TRPS1: variants seen among roughly 807,000 people sequenced by gnomAD.
TRPS1 encodes the protein transcriptional repressor GATA binding 1.
TRPS1 carries 6 observed loss-of-function variants against 101.2 expected under a neutral mutation model. That is an observed-to-expected ratio of 0.06 (90% confidence interval 0.03 to 0.12). The LOEUF is 0.12. Among genes scored for constraint, TRPS1 ranks in the 10% least tolerant of loss-of-function variants. The pLI is 1.00. For synonymous variants in TRPS1, 578 were observed against 589.8 expected, an observed-to-expected ratio of 0.98 and a Z score of 0.29; for missense variants, 1,363 against 1,567.0, an observed-to-expected ratio of 0.87 and a Z score of 2.20.
chr8:115,568,807 G>C (rs1308602384), intron 5 of TRPS1, among the ~76,000 whole-genome samples: 1 of 152,016 alleles, frequency 6.6e-6, no homozygotes, highest in East Asian at 1.9e-4. Context: ...AAAATACTCT[G>C]TAAGACTGCC....
At chr8:115,419,047 T>C (rs1224830923) in intron 5 of TRPS1, among the ~76,000 whole-genome samples, 5 of 152,158 alleles carry the variant, frequency 3.3e-5, no homozygotes, top group Non-Finnish European at 5.9e-5. Context: ...CTTCAGCCAA[T>C]TAAAAGTACA....
intron 3 of TRPS1, among the ~76,000 whole-genome samples, chr8:115,608,583 C>T (rs1235526758): frequency 6.6e-6 from 1 of 151,854 alleles, no homozygotes; most frequent in Non-Finnish European, 1.5e-5. Context: ...GAACCTTAGT[C>T]TCCTGGCCTC....
intron 1 of TRPS1, among the ~76,000 whole-genome samples, chr8:115,631,742 G>A (rs1818650746): frequency 6.6e-6 from 1 of 151,958 alleles, no homozygotes; most frequent in African/African-American, 2.4e-5. Flanking sequence ...TGAATCTCTT[G>A]ATATTAAATA....
At chr8:115,599,273 G>A (rs1466759079) in intron 4 of TRPS1, among the ~76,000 whole-genome samples, 1 of 151,942 alleles carries the variant, frequency 6.6e-6, no homozygotes, top group Non-Finnish European at 1.5e-5. Flanking sequence ...AGTTTCGAGA[G>A]TTATATTTCT....
At chr8:115,649,091 CT>C (rs1409592776) in intron 1 of TRPS1, among the ~76,000 whole-genome samples, 4 of 152,110 alleles carry the variant, frequency 2.6e-5, no homozygotes, top group African/African-American at 9.7e-5. Context: ...TAATAGAGTT[CT>C]TTTTATAACA....
At position 115,604,088 on chromosome 8, in the gene TRPS1, A is replaced by C; in HGVS notation, c.1881T>G (p.His627Gln). ...TGGTGAATGAACACTGATGGCACTGATGTTTGACTCGCGAGCTTCCAGCCG... is the reference window on the plus strand; with the variant it reads ...TGGTGAATGAACACTGATGGCACTGCTGTTTGACTCGCGAGCTTCCAGCCG... ...PGAAGSSRVKHQCHQCSFTTP... is the reference protein window; with the variant it reads ...PGAAGSSRVKQQCHQCSFTTP... Residue 627 changes from histidine to glutamine, a missense_variant, in exon 4 of 7, where the codon CAT becomes CAG. Physicochemically the swap from His to Gln is conservative, Grantham distance 24. Around this residue, in one of 5 missense-constraint regions of TRPS1, gnomAD observed 1,020 missense variants for 1,073.0 expected, o/e 0.95. Transcript: ENST00000395715. The surrounding 1 kb of genome is among the most constrained non-coding windows in gnomAD (Gnocchi z 4.1). 3.1e-6 allele frequency: 5 copies of C among 1,614,064 alleles called. No homozygotes were observed. The highest frequency in any genetic ancestry group is 4.2e-6 in the Non-Finnish European group (5 of 1,179,974).
intron 5 of TRPS1, among the ~76,000 whole-genome samples, chr8:115,491,730 C>A (rs577009277): frequency 1.6e-4 from 25 of 152,138 alleles, no homozygotes; most frequent in African/African-American, 5.8e-4. Context: ...AGCAAGCAAG[C>A]CTGATACTGC....
At chr8:115,489,719 C>T (rs531164849) in intron 5 of TRPS1, among the ~76,000 whole-genome samples, 1 of 152,040 alleles carries the variant, frequency 6.6e-6, no homozygotes, top group African/African-American at 2.4e-5. Flanking sequence ...CTTTATTGGT[C>T]CCTATTAGCA....
At chr8:115,575,320 C>T (rs533851853) in intron 5 of TRPS1, among the ~76,000 whole-genome samples, 108 of 151,982 alleles carry the variant, frequency 7.1e-4, no homozygotes, top group African/African-American at 2.3e-3. Context: ...TATAAAACAG[C>T]GTGTAATTTA....
intron 3 of TRPS1, among the ~76,000 whole-genome samples, chr8:115,615,742 C>CA (rs1241573058): frequency 6.6e-6 from 1 of 152,040 alleles, no homozygotes; most frequent in Non-Finnish European, 1.5e-5. Flanking sequence ...GCCTGGGTGA[C>CA]AGAGTGAGAT....
chr8:115,519,629 G>A (rs1815808884), intron 5 of TRPS1, among the ~76,000 whole-genome samples: 1 of 151,442 alleles, frequency 6.6e-6, no homozygotes, highest in South Asian at 2.1e-4. Flanking sequence ...TATTTGGTCA[G>A]AAAATACAGG....
rs531122879 is a variant in TRPS1 at position 115,620,116 on chromosome 8, C to T, written c.38-56G>A. ...GTGTTATCTGAAAGTTACAGAGATACAGTTGAATCTGGAATATTTTACTTA... is the reference window on the plus strand; with the variant it reads ...GTGTTATCTGAAAGTTACAGAGATATAGTTGAATCTGGAATATTTTACTTA... On this transcript the variant is annotated intron_variant, in intron 2 of 6. Transcript: ENST00000395715. 3.2e-6 allele frequency: 5 copies of T among 1,548,378 alleles called. No homozygotes were observed. The South Asian group carries it at 5.7e-5, about 18-fold the overall frequency.
chr8:115,666,542 T>G (rs1028181977), intron 1 of TRPS1, among the ~76,000 whole-genome samples: 2 of 152,174 alleles, frequency 1.3e-5, no homozygotes, highest in African/African-American at 4.8e-5. Flanking sequence ...TTCAGAAACT[T>G]TCATTCTCAT....
chr8:115,601,018 GCT>G (rs1362198218), intron 4 of TRPS1, among the ~76,000 whole-genome samples: 1 of 152,040 alleles, frequency 6.6e-6, no homozygotes, highest in Non-Finnish European at 1.5e-5. Context: ...GTTTAACTTA[GCT>G]CTTAAAGAAA....
chr8:115,651,050 C>T (rs967089328), intron 1 of TRPS1, among the ~76,000 whole-genome samples: 13 of 152,140 alleles, frequency 8.5e-5, no homozygotes, highest in East Asian at 5.8e-4. Flanking sequence ...AAAACATGGA[C>T]GTTAAAAAGG....
intron 6 of TRPS1, among the ~76,000 whole-genome samples, chr8:115,415,416 T>C (rs1812894952): frequency 6.6e-6 from 1 of 152,146 alleles, no homozygotes; most frequent in African/African-American, 2.4e-5. Context: ...GAGATGTGAT[T>C]TTTCTGAAAT....
At chr8:115,658,769 T>C (rs1811732433) in intron 1 of TRPS1, among the ~76,000 whole-genome samples, 1 of 152,130 alleles carries the variant, frequency 6.6e-6, no homozygotes, top group South Asian at 2.1e-4. Context: ...CAAATATGTG[T>C]AACACTAAAT....
chr8:115,428,856 T>G (rs1397517557), intron 5 of TRPS1, among the ~76,000 whole-genome samples: 2 of 152,206 alleles, frequency 1.3e-5, no homozygotes, highest in Admixed American at 6.5e-5. Flanking sequence ...ATCATAGGTA[T>G]TTACGGACAC....
chr8:115,493,888 G>T (rs1161052663), intron 5 of TRPS1, among the ~76,000 whole-genome samples: 1 of 152,084 alleles, frequency 6.6e-6, no homozygotes, highest in Admixed American at 6.5e-5. Flanking sequence ...CTATAGCATG[G>T]AATTATTTTA....
Sources: gnomAD v4.1 joint callset for allele counts (sites outside exome capture counted in the v4.1 genomes callset) on GRCh38, gnomAD v4.1.1 for gene constraint, gnomAD v4.1.1 regional missense constraint, Gnocchi (gnomAD v3.1) non-coding constraint, MANE v1.5 for transcripts, NCBI Gene and HGNC (gene_info 2026-07-23, HGNC 2026-07-21) for gene names.